C1orf87: variants seen among roughly 807,000 people sequenced by gnomAD.
The protein encoded by C1orf87 is chromosome 1 open reading frame 87, also known as uncharacterized protein C1orf87.
In C1orf87, 58 loss-of-function variants were observed where a neutral mutation model predicts 60.5. That is an observed-to-expected ratio of 0.96 (90% confidence interval 0.78 to 1.19). The LOEUF is 1.19. C1orf87 is among the 50% of genes most tolerant of loss of function. The pLI is 0.00. For synonymous variants in C1orf87, 236 were observed against 227.4 expected, an observed-to-expected ratio of 1.04 and a Z score of -0.34; for missense variants, 673 against 638.6, an observed-to-expected ratio of 1.05 and a Z score of -0.58.
At chr1:60,065,829 TG>T (rs1280431350) in intron 2 of C1orf87, among the ~76,000 whole-genome samples, 1 of 152,162 alleles carries the variant, frequency 6.6e-6, no homozygotes, top group African/African-American at 2.4e-5. Context: ...TTGCATATCT[TG>T]GGTATAAATA....
intron 2 of C1orf87, among the ~76,000 whole-genome samples, chr1:60,068,675 T>C (rs1645565036): frequency 6.6e-6 from 1 of 152,222 alleles, no homozygotes; most frequent in Non-Finnish European, 1.5e-5. Flanking sequence ...ATGATGAGAA[T>C]GGAACAGTTT....
intron 9 of C1orf87, among the ~76,000 whole-genome samples, chr1:60,001,589 G>A (rs1645005740): frequency 6.6e-6 from 1 of 151,932 alleles, no homozygotes; most frequent in Admixed American, 6.6e-5. Flanking sequence ...AGATGATGAT[G>A]GTGATGCACA....
chr1:60,037,589 T>C (rs1465893023), intron 6 of C1orf87, among the ~76,000 whole-genome samples: 2 of 152,168 alleles, frequency 1.3e-5, no homozygotes, highest in African/African-American at 4.8e-5. Flanking sequence ...ATAATGACAT[T>C]AATGCGTTCA....
chr1:60,006,976 A>C (rs1645051477), intron 9 of C1orf87, among the ~76,000 whole-genome samples: 1 of 151,828 alleles, frequency 6.6e-6, no homozygotes, highest in Non-Finnish European at 1.5e-5. Context: ...TAGTGGCATA[A>C]CCAGAGCTCA....
chr1:60,073,316 G>A (rs927924870), intron 1 of C1orf87, among the ~76,000 whole-genome samples: 1 of 152,152 alleles, frequency 6.6e-6, no homozygotes. Flanking sequence ...CAGTAAATCT[G>A]GCCACAGCTG....
chr1:59,998,953 T>C (rs1644982373), intron 10 of C1orf87, among the ~76,000 whole-genome samples: 1 of 152,126 alleles, frequency 6.6e-6, no homozygotes, highest in African/African-American at 2.4e-5. Context: ...GCTAGTAGAG[T>C]TGGTTTTGTT....
At chr1:60,037,554 T>G (rs1274206512) in intron 6 of C1orf87, among the ~76,000 whole-genome samples, 4 of 152,158 alleles carry the variant, frequency 2.6e-5, no homozygotes, top group Non-Finnish European at 5.9e-5. Context: ...AAATCCACTC[T>G]CTTGGTAACG....
At chr1:60,018,721 T>G (rs2100267258) in intron 8 of C1orf87, among the ~76,000 whole-genome samples, 1 of 152,184 alleles carries the variant, frequency 6.6e-6, no homozygotes, top group South Asian at 2.1e-4. Flanking sequence ...ACCCCCAAGG[T>G]TTCAAAGAAG....
At chr1:60,035,372 G>A (rs558917556) in intron 6 of C1orf87, among the ~76,000 whole-genome samples, 17 of 152,322 alleles carry the variant, frequency 1.1e-4, no homozygotes, top group African/African-American at 4.1e-4. Flanking sequence ...GCAGCTGGTA[G>A]GGCTTCTTAG....
At chr1:60,067,934 A>G (rs953637159) in intron 2 of C1orf87, among the ~76,000 whole-genome samples, 1 of 152,040 alleles carries the variant, frequency 6.6e-6, no homozygotes, top group Admixed American at 6.6e-5. Context: ...TTCTGTTTTC[A>G]GCACATGGCT....
At chr1:60,068,557 C>G (rs74085898) in intron 2 of C1orf87, among the ~76,000 whole-genome samples, 4,301 of 152,250 alleles carry the variant, frequency 0.028, 110 homozygotes, top group African/African-American at 0.059. Flanking sequence ...GTCTAGAGTT[C>G]TCTGCCTTGT....
intron 2 of C1orf87, among the ~76,000 whole-genome samples, chr1:60,058,764 A>C (rs1645474214): frequency 6.6e-6 from 1 of 152,170 alleles, no homozygotes; most frequent in Non-Finnish European, 1.5e-5. Context: ...CTCAGATCCT[A>C]TTGGCAGTAG....
chr1:59,993,531 C>T (rs1644940751), intron 11 of C1orf87, among the ~76,000 whole-genome samples: 1 of 151,836 alleles, frequency 6.6e-6, no homozygotes, highest in East Asian at 1.9e-4. Flanking sequence ...TTAAAAAATA[C>T]ATCTAGGAAT....
At chr1:60,068,582 A>T (rs1162748098) in intron 2 of C1orf87, among the ~76,000 whole-genome samples, 1 of 152,182 alleles carries the variant, frequency 6.6e-6, no homozygotes, top group Non-Finnish European at 1.5e-5. Flanking sequence ...TGCCTTTGTG[A>T]AAAAGTTGTG....
chr1:60,017,995 C>T (rs1218251208), intron 8 of C1orf87, among the ~76,000 whole-genome samples: 2 of 152,196 alleles, frequency 1.3e-5, no homozygotes, highest in African/African-American at 2.4e-5. Context: ...CCCACATCAC[C>T]ATAATCCCTC....
chr1:60,001,024 G>T, intron 10 of C1orf87, 53 bp downstream of exon 10: 1 of 1,451,356 alleles, frequency 6.9e-7, no homozygotes, highest in Non-Finnish European at 9.6e-7. Flanking sequence ...CAGAGAAAAG[G>T]CCAAGTATCC....
intron 6 of C1orf87, among the ~76,000 whole-genome samples, chr1:60,037,261 G>A (rs976707503): frequency 4.6e-5 from 7 of 152,190 alleles, no homozygotes; most frequent in South Asian, 2.1e-4. Flanking sequence ...TAATGCCAAC[G>A]TGATAACATC....
Position 60,010,453 on chromosome 1 carries a change from C to T in C1orf87, c.1131G>A (p.Trp377Ter), listed in dbSNP as rs764891009. 3 of 1,612,006 alleles carry T rather than the reference C, an allele frequency of 1.9e-6. No individual in the cohort carries two copies. In the South Asian group the frequency reaches 3.3e-5, roughly 18 times the overall value. ...QDLGYQNEIK[W>*]QNFVEMLTRA... ...TGGTCAGCATCTCAACAAAATTCTG[C>T]CATCTGTGCAAGAAAAGGAAACATA... The change falls in exon 9 of 12, where the codon TGG becomes TGA. Residue 377 changes from tryptophan (W) to a stop codon, truncating the protein, a stop_gained. Transcript: ENST00000371201. LOFTEE classifies it high-confidence loss of function.
intron 5 of C1orf87, among the ~76,000 whole-genome samples, chr1:60,038,454 C>T (rs1645294741): frequency 6.6e-6 from 1 of 152,010 alleles, no homozygotes; most frequent in Admixed American, 6.6e-5. Context: ...CCTAAAGTGG[C>T]TATTTCATCA....
Sources: allele counts gnomAD v4.1 joint callset (sites outside exome capture counted in the v4.1 genomes callset), GRCh38; gene constraint gnomAD v4.1.1; transcripts MANE v1.5; gene names NCBI Gene and HGNC (gene_info 2026-07-23, HGNC 2026-07-21).